SPINDOC: variants seen among roughly 807,000 people sequenced by gnomAD.
The protein encoded by SPINDOC is spindlin interactor and repressor of chromatin-binding protein.
A neutral mutation model predicts 30.7 loss-of-function variants in SPINDOC; 13 were observed. That is an observed-to-expected ratio of 0.42 (90% CI 0.28 to 0.67). SPINDOC has a LOEUF of 0.67. Among genes scored for constraint, SPINDOC ranks in the 30% least tolerant of loss-of-function variants. The probability of loss-of-function intolerance (pLI) is 0.22; values close to 1 mark genes in which losing one functional copy is unlikely to be tolerated. For synonymous variants in SPINDOC, 228 were observed against 211.4 expected (o/e 1.08, Z -0.68); for missense variants, 438 against 518.0 (o/e 0.85, Z 1.50).
rs368837169 is a variant in SPINDOC at position 63,818,543 on chromosome 11, G to C, written c.624G>C (p.Glu208Asp). Residue 208 changes from glutamate to aspartate, a missense_variant, in exon 4 of 6, where the codon GAG (glutamate) becomes GAC (aspartate). Transcript: ENST00000294244. This position sits in a 1 kb window ranked among gnomAD's most constrained non-coding sequence, Gnocchi z 5.3. ...PLELPAVPAT[E>D]PGNKKPRGQR... ...TTTTTGCAGCTGTCCCTGCCACAGA[G>C]CCAGGAAATAAGAAGCCCCGTGGTC... The C allele has an allele frequency of 5.6e-6, 9 of 1,612,824 alleles. No individual in the cohort carries two copies. The South Asian group carries it at 6.6e-5, about 12-fold the overall frequency.
At position 63,813,888 on chromosome 11, in the gene SPINDOC, T is replaced by TCCGGGAC. The variant is rs1018315878; in HGVS notation, c.127+81_127+87dup. The TCCGGGAC allele has an allele frequency of 6.4e-6, 9 of 1,407,836 alleles. No homozygotes were observed. In the African/African-American group the frequency reaches 7.5e-5, roughly 12 times the overall value. The allele number at this position is 1,407,836 out of a possible 1,614,324, so 87.2% of individuals were successfully genotyped here. On this transcript the variant is annotated intron_variant, in intron 1 of 5. Transcript: ENST00000294244. The stretch of plus-strand genomic sequence containing the variant: ...TGGGGCCGTCCCTCCCCAGTCGGGG[T>TCCGGGAC]CCGGGACCCGGGCACCTTCTCACCC...
rs114979215 is a variant in SPINDOC at position 63,825,098 on chromosome 11, C to T, written c.935-1830C>T. Among the ~76,000 whole-genome samples, 1,030 of 152,328 alleles carry T rather than the reference C, an allele frequency of 6.8e-3. 14 individuals are homozygous for T. Among genetic ancestry groups the T allele is most frequent in the African/African-American group, 0.022 (905 of 41,564 alleles). ...GCTTTGCCCGCTATGCTCTGCTCTC[C>T]TGTAGCAGCCAGAGTGTCCCTGCTG... On this transcript the variant is annotated intron_variant, in intron 5 of 5. Transcript: ENST00000294244.
chr11:63,823,235 G>C, intron 5 of SPINDOC: 1 of 1,287,414 alleles, frequency 7.8e-7, no homozygotes, highest in Non-Finnish European at 1.0e-6. Flanking sequence ...ACGATCTCAC[G>C]AACCCAAAGC....
intron 5 of SPINDOC, among the ~76,000 whole-genome samples, chr11:63,820,005 G>A (rs2015464896): frequency 6.6e-6 from 1 of 152,182 alleles, no homozygotes; most frequent in Non-Finnish European, 1.5e-5. Context: ...TAGATAAGAT[G>A]AGCAGTGGAC....
At position 63,827,447 on chromosome 11, in the gene SPINDOC, C is replaced by A; in HGVS notation, c.*308C>A. ...CCCCATGACCTCCTCCCACCCTCCC[C>A]CTGCTCCCCACCATTCTCCCTTGGC... is the stretch of plus-strand genomic sequence containing the variant. On this transcript the variant is annotated 3_prime_UTR_variant, in exon 6 of 6. Transcript: ENST00000294244. The A allele has an allele frequency of 2.2e-6, 1 of 461,536 alleles. No individual in the cohort carries two copies. Among genetic ancestry groups the A allele is most frequent in the East Asian group, 4.1e-5 (1 of 24,320 alleles). 28.6% of individuals were successfully genotyped at this position (461,536 alleles called of 1,614,324 possible). A position where few individuals can be genotyped will look rare whatever the true frequency, so the allele number is the denominator to read the frequency against.
chr11:63,823,602 T>C lies in SPINDOC; in HGVS notation c.935-3326T>C, dbSNP rs1175546917. ...TCTCTGTCTTGCTGGTGTTTTTCTT[T>C]TTTTTATTTTGGAGATGGAGTCTCG... On this transcript the variant is annotated intron_variant, in intron 5 of 5. Transcript: ENST00000294244. Among the ~76,000 whole-genome samples the C allele has an allele frequency of 3.3e-5, 5 of 152,302 alleles. No homozygotes were observed. The East Asian group carries it at 9.7e-4, about 29-fold the overall frequency.
Position 63,818,468 on chromosome 11 carries a change from G to A in SPINDOC, c.608-59G>A. 2 of 1,604,304 alleles carry A rather than the reference G, an allele frequency of 1.2e-6. No individual in the cohort carries two copies. Among genetic ancestry groups the A allele is most frequent in the Non-Finnish European group, 8.5e-7 (1 of 1,177,460 alleles). ...TGGGCAGGTATCTTCAGGAGCCCTG[G>A]GGTGGCAGGGTTCGGGGATGGCCTC... On this transcript the variant is annotated intron_variant, in intron 3 of 5. Transcript: ENST00000294244. The surrounding 1 kb of genome is among the most constrained non-coding windows in gnomAD (Gnocchi z 5.3).
At chr11:63,815,375 A>G (rs780694112) in intron 1 of SPINDOC, among the ~76,000 whole-genome samples, 1 of 152,256 alleles carries the variant, frequency 6.6e-6, no homozygotes, top group African/African-American at 2.4e-5. Flanking sequence ...GGCCTGAGCA[A>G]CTGGAGGAAG....
At position 63,813,640 on chromosome 11, in the gene SPINDOC, G is replaced by T; in HGVS notation, c.-47G>T. 2.7e-6 allele frequency: 4 copies of T among 1,469,592 alleles called. No individual in the cohort carries two copies. The highest frequency in any genetic ancestry group is 2.7e-6 in the Non-Finnish European group (3 of 1,108,736). The allele number at this position is 1,469,592 out of a possible 1,614,324, so 91.0% of individuals were successfully genotyped here. On this transcript the variant is annotated 5_prime_UTR_variant, in exon 1 of 6. Coordinates refer to ENST00000294244, the MANE Select transcript of SPINDOC (RefSeq NM_138471.3). ...AGGCGGTTGCCGGCTGCGCGCCGAA[G>T]CCTGCGCGCCAGTCCTCCGGCCACT...
intron 5 of SPINDOC, among the ~76,000 whole-genome samples, chr11:63,824,926 C>G (rs2015615578): frequency 6.6e-6 from 1 of 152,140 alleles, no homozygotes; most frequent in African/African-American, 2.4e-5. Flanking sequence ...TCTTCTTTCT[C>G]CAGCCCAGCA....
chr11:63,818,582 A>G lies in SPINDOC; in HGVS notation c.663A>G (p.Glu221=). 6.2e-7 allele frequency: 1 copy of G among 1,613,456 alleles called. No homozygotes were observed. The highest frequency in any genetic ancestry group is 8.5e-7 in the Non-Finnish European group (1 of 1,179,952). ...AGCCCCGTGGTCAGAGATGGAAGGA[A>G]CCCCCAGGGGAAGAGCCAGTCAGAA... is the stretch of plus-strand genomic sequence containing the variant. The part of the protein sequence containing the change: ...NKKPRGQRWK[E]PPGEEPVRKK... The change falls in exon 4 of 6, where the codon GAA becomes GAG. Residue 221 remains glutamate, a synonymous_variant. Coordinates refer to ENST00000294244, the MANE Select transcript of SPINDOC (RefSeq NM_138471.3). This position sits in a 1 kb window ranked among gnomAD's most constrained non-coding sequence, Gnocchi z 5.3.
intron 5 of SPINDOC, among the ~76,000 whole-genome samples, chr11:63,826,610 T>C (rs2135164238): frequency 6.6e-6 from 1 of 152,278 alleles, no homozygotes; most frequent in East Asian, 1.9e-4. Context: ...TGGAGTTGGC[T>C]GCAGGTAGGA....
At chr11:63,813,864 G>C (rs993882304) in intron 1 of SPINDOC, 51 bp downstream of exon 1, 1 of 1,446,816 alleles carries the variant, frequency 6.9e-7, no homozygotes, top group Non-Finnish European at 9.2e-7. Flanking sequence ...GGCCGGGGCT[G>C]GGGCCGTCCC....
At position 63,813,642 on chromosome 11, in the gene SPINDOC, C is replaced by G. The variant is rs540926581; in HGVS notation, c.-45C>G. On this transcript the variant is annotated 5_prime_UTR_variant, in exon 1 of 6. Coordinates refer to ENST00000294244, the MANE Select transcript of SPINDOC (RefSeq NM_138471.3). The stretch of plus-strand genomic sequence containing the variant: ...GCGGTTGCCGGCTGCGCGCCGAAGC[C>G]TGCGCGCCAGTCCTCCGGCCACTGC... 1 of 1,484,762 alleles carries G rather than the reference C, an allele frequency of 6.7e-7. No homozygotes were observed. The highest frequency in any genetic ancestry group is 2.9e-5 in the East Asian group (1 of 34,074). The allele number at this position is 1,484,762 out of a possible 1,614,324, so 92.0% of individuals were successfully genotyped here.
Position 63,821,302 on chromosome 11 carries a change from C to T in SPINDOC, c.934+2300C>T, listed in dbSNP as rs59006502. Among the ~76,000 whole-genome samples, 343 of 152,338 alleles carry T rather than the reference C, an allele frequency of 2.3e-3. 1 individual carries two copies. The highest frequency in any genetic ancestry group is 8.1e-3 in the African/African-American group (337 of 41,576). ...TCTCAGATACTGTCCTGGGTTCCGGCTCATCTGCCTCTTCCCCATTCAAGG... is the reference window on the plus strand; with the variant it reads ...TCTCAGATACTGTCCTGGGTTCCGGTTCATCTGCCTCTTCCCCATTCAAGG... On this transcript the variant is annotated intron_variant, in intron 5 of 5. Transcript: ENST00000294244.
At position 63,818,485 on chromosome 11, in the gene SPINDOC, G is replaced by T. The variant is rs1481310187; in HGVS notation, c.608-42G>T. On this transcript the variant is annotated intron_variant, in intron 3 of 5. Coordinates refer to ENST00000294244, the MANE Select transcript of SPINDOC (RefSeq NM_138471.3). This position sits in a 1 kb window ranked among gnomAD's most constrained non-coding sequence, Gnocchi z 5.3. ...GAGCCCTGGGGTGGCAGGGTTCGGG[G>T]ATGGCCTCTTTAAAAGGGTATGAGG... is the stretch of plus-strand genomic sequence containing the variant. The T allele has an allele frequency of 6.2e-7, 1 of 1,606,808 alleles. No homozygotes were observed. The highest frequency in any genetic ancestry group is 8.5e-7 in the Non-Finnish European group (1 of 1,178,868).
intron 5 of SPINDOC, among the ~76,000 whole-genome samples, chr11:63,819,247 G>C (rs1363821922): frequency 6.6e-6 from 1 of 152,216 alleles, no homozygotes; most frequent in Non-Finnish European, 1.5e-5. Flanking sequence ...ATCTTGCTCT[G>C]TTGCCCAGGC....
intron 5 of SPINDOC, chr11:63,822,983 A>G: frequency 9.3e-7 from 1 of 1,074,630 alleles, no homozygotes; most frequent in Non-Finnish European, 1.3e-6. Flanking sequence ...TGTTGTCAGC[A>G]GTGGCAGCCT....
chr11:63,817,567 C>G (rs1008775555), intron 1 of SPINDOC, among the ~76,000 whole-genome samples: 8 of 152,074 alleles, frequency 5.3e-5, no homozygotes, highest in Non-Finnish European at 1.2e-4. Context: ...GTAGTTAGTC[C>G]TAAGGTCCAA....
Sources: allele counts gnomAD v4.1 joint callset (sites outside exome capture counted in the v4.1 genomes callset), GRCh38; gene constraint gnomAD v4.1.1; non-coding constraint Gnocchi (gnomAD v3.1); transcripts MANE v1.5; gene names NCBI Gene and HGNC (gene_info 2026-07-23, HGNC 2026-07-21).